ADK: variants seen among roughly 807,000 people sequenced by gnomAD.
The protein encoded by ADK is N6,N6-dimethyladenosine kinase.
A neutral mutation model predicts 44.7 loss-of-function variants in ADK; 24 were observed. The observed-to-expected ratio is 0.54, with a 90% CI of 0.39 to 0.76. The LOEUF is 0.76. Ranked by LOEUF, ADK falls within the 30% of genes least tolerant of loss-of-function variation. ADK has a pLI of 0.00. For missense variants in ADK, 321 were observed against 425.1 expected, an observed-to-expected ratio of 0.76 and a Z score of 2.15; for synonymous variants, 128 against 142.6, an observed-to-expected ratio of 0.90 and a Z score of 0.73.
intron 6 of ADK, among the ~76,000 whole-genome samples, chr10:74,517,474 AG>A (rs548607212): frequency 7.6e-4 from 116 of 152,176 alleles, no homozygotes; most frequent in African/African-American, 2.8e-3. Flanking sequence ...GTATGGCTTG[AG>A]CTCAGTAGTT....
chr10:74,359,936 A>T (rs1426842206), intron 4 of ADK, among the ~76,000 whole-genome samples: 1 of 151,406 alleles, frequency 6.6e-6, no homozygotes, highest in Non-Finnish European at 1.5e-5. Flanking sequence ...TTTCTTTTTC[A>T]GGTTGGTTGC....
chr10:74,213,568 C>A (rs1186004559), intron 2 of ADK, among the ~76,000 whole-genome samples: 1 of 151,776 alleles, frequency 6.6e-6, no homozygotes, highest in Non-Finnish European at 1.5e-5. Flanking sequence ...GGGCTGGAAG[C>A]TAGAACATTT....
At chr10:74,216,541 G>A (rs964111535) in intron 2 of ADK, among the ~76,000 whole-genome samples, 4 of 151,672 alleles carry the variant, frequency 2.6e-5, no homozygotes, top group African/African-American at 7.3e-5. Flanking sequence ...CCTGGCCAAC[G>A]TGGTGAAACT....
At chr10:74,687,021 A>G (rs1265428267) in intron 10 of ADK, among the ~76,000 whole-genome samples, 1 of 152,198 alleles carries the variant, frequency 6.6e-6, no homozygotes, top group African/African-American at 2.4e-5. Context: ...TATAAAAATG[A>G]AGATAATGAG....
At chr10:74,553,684 AGTT>A (rs1850135051) in intron 7 of ADK, among the ~76,000 whole-genome samples, 2 of 152,300 alleles carry the variant, frequency 1.3e-5, no homozygotes, top group Admixed American at 1.3e-4. Flanking sequence ...ATCAGAAAGT[AGTT>A]TCCTTTTTGT....
At chr10:74,580,093 G>A (rs774964389) in intron 7 of ADK, among the ~76,000 whole-genome samples, 3 of 152,136 alleles carry the variant, frequency 2.0e-5, no homozygotes, top group Non-Finnish European at 4.4e-5. Context: ...GGCCATTAGA[G>A]TAGCCCTGAA....
At chr10:74,543,210 A>T (rs1158650985) in intron 7 of ADK, among the ~76,000 whole-genome samples, 5 of 112,272 alleles carry the variant, frequency 4.5e-5, no homozygotes, top group South Asian at 4.8e-4. Context: ...TATTTCATTT[A>T]AAAAAAAAAA....
chr10:74,567,347 A>G (rs1266178478), intron 7 of ADK, among the ~76,000 whole-genome samples: 1 of 152,212 alleles, frequency 6.6e-6, no homozygotes, highest in African/African-American at 2.4e-5. Flanking sequence ...CTGCTAAATA[A>G]TCTTTCTACA....
At chr10:74,338,619 C>T (rs1841487719) in intron 4 of ADK, among the ~76,000 whole-genome samples, 1 of 152,014 alleles carries the variant, frequency 6.6e-6, no homozygotes, top group African/African-American at 2.4e-5. Flanking sequence ...TCAACAGTTT[C>T]CGTAGATCTT....
At chr10:74,419,268 T>C (rs556517352) in intron 6 of ADK, among the ~76,000 whole-genome samples, 30 of 152,278 alleles carry the variant, frequency 2.0e-4, no homozygotes, top group African/African-American at 7.2e-4. Flanking sequence ...ATTTTTGGTA[T>C]GTACAATATT....
At chr10:74,524,504 C>T (rs898253213) in intron 6 of ADK, among the ~76,000 whole-genome samples, 10 of 152,102 alleles carry the variant, frequency 6.6e-5, no homozygotes, top group Admixed American at 3.3e-4. Context: ...GCAATCCTCC[C>T]GTCTCAGTCT....
At chr10:74,250,360 C>A (rs1845603030) in intron 3 of ADK, among the ~76,000 whole-genome samples, 1 of 152,104 alleles carries the variant, frequency 6.6e-6, no homozygotes, top group Non-Finnish European at 1.5e-5. Flanking sequence ...ATAGAGGGTT[C>A]TTCATGAACA....
chr10:74,495,478 A>G (rs1489799939), intron 6 of ADK, among the ~76,000 whole-genome samples: 2 of 152,152 alleles, frequency 1.3e-5, no homozygotes, highest in East Asian at 1.9e-4. Flanking sequence ...AGTAATTTAC[A>G]TGCACCTTCT....
chr10:74,588,892 A>G (rs887991125), intron 7 of ADK, among the ~76,000 whole-genome samples: 2 of 152,342 alleles, frequency 1.3e-5, no homozygotes, highest in African/African-American at 4.8e-5. Context: ...TTCTGAATTT[A>G]TACATTTATT....
At chr10:74,209,552 T>A (rs963090372) in intron 2 of ADK, among the ~76,000 whole-genome samples, 5 of 152,154 alleles carry the variant, frequency 3.3e-5, no homozygotes, top group Admixed American at 2.6e-4. Context: ...CTGATTAGTA[T>A]CTTACACTGT....
At chr10:74,314,568 T>C in intron 3 of ADK, 99 bp from the exon 4 acceptor site, 1 of 737,138 alleles carries the variant, frequency 1.4e-6, no homozygotes, top group Non-Finnish European at 2.4e-6. Context: ...ATAAAAACAT[T>C]TTACTATTTG....
At chr10:74,593,636 A>G (rs1285409284) in intron 8 of ADK, among the ~76,000 whole-genome samples, 1 of 152,156 alleles carries the variant, frequency 6.6e-6, no homozygotes, top group African/African-American at 2.4e-5. Flanking sequence ...TATGAGATCA[A>G]TCTGGCACTG....
intron 3 of ADK, among the ~76,000 whole-genome samples, chr10:74,284,623 C>G (rs1847089509): frequency 6.6e-6 from 1 of 152,178 alleles, no homozygotes; most frequent in African/African-American, 2.4e-5. Flanking sequence ...TCTTCTATCC[C>G]AACAGCACAT....
At chr10:74,216,087 C>T (rs1844005789) in intron 2 of ADK, among the ~76,000 whole-genome samples, 1 of 152,058 alleles carries the variant, frequency 6.6e-6, no homozygotes, top group Non-Finnish European at 1.5e-5. Context: ...CTTGAATTTG[C>T]ATTTCTGTTA....
Sources: gnomAD v4.1 joint callset for allele counts (sites outside exome capture counted in the v4.1 genomes callset) on GRCh38, gnomAD v4.1.1 for gene constraint, MANE v1.5 for transcripts, NCBI Gene and HGNC (gene_info 2026-07-23, HGNC 2026-07-21) for gene names.